The following ZNF664 variants were observed in gnomAD, a reference collection of about 807,000 sequenced individuals.
The protein encoded by ZNF664 is zinc finger Organ of Corti 1.
In ZNF664, 10 loss-of-function variants were observed where a neutral mutation model predicts 18.2. The ratio of observed to expected loss-of-function variants is 0.55; its 90% CI spans 0.34 to 0.93. The LOEUF (loss-of-function observed/expected upper bound fraction) is 0.93. ZNF664 is among the 40% of genes least tolerant of loss of function. The probability of loss-of-function intolerance (pLI) is 0.02; values close to 1 mark genes in which losing one functional copy is unlikely to be tolerated. For synonymous variants in ZNF664, 119 were observed against 104.2 expected (o/e 1.14, Z -0.86); for missense variants, 193 against 319.0 (o/e 0.61, Z 3.01).
In ZNF664 at chr12:123,988,067, C is replaced by T; in HGVS notation, c.-732C>T. On this transcript the variant is annotated 5_prime_UTR_variant, in exon 3 of 5. Coordinates refer to ENST00000337815, the MANE Select transcript of ZNF664 (RefSeq NM_152437.3). ...GCAGGATCCTAAGGCCTTTGTAGTCCTTCAGCCACTGTGGGCCCTGCCTCT... is the reference window on the plus strand; with the variant it reads ...GCAGGATCCTAAGGCCTTTGTAGTCTTTCAGCCACTGTGGGCCCTGCCTCT... 8.1e-7 allele frequency: 1 copy of T among 1,231,454 alleles called. No homozygotes were observed. The highest frequency in any genetic ancestry group is 1.0e-6 in the Non-Finnish European group (1 of 987,830). 76.3% of individuals were successfully genotyped at this position (1,231,454 alleles called of 1,614,324 possible).
chr12:124,006,424 C>G (rs1056786775), intron 3 of ZNF664, among the ~76,000 whole-genome samples: 2 of 152,294 alleles, frequency 1.3e-5, no homozygotes, highest in East Asian at 3.9e-4. Flanking sequence ...AGTCCTGTAC[C>G]CCCGTCTTCA....
chr12:124,006,736 C>T (rs1957077410), intron 3 of ZNF664, among the ~76,000 whole-genome samples: 1 of 152,154 alleles, frequency 6.6e-6, no homozygotes, highest in African/African-American at 2.4e-5. Context: ...TTGAGTTCTC[C>T]TCCAGTGTGA....
At chr12:123,973,439 G>C in intron 1 of ZNF664, 87 bp downstream of exon 1, 22 of 655,988 alleles carry the variant, frequency 3.4e-5, no homozygotes, top group South Asian at 6.7e-5. Flanking sequence ...CTGGGGGTGG[G>C]AAGGAGGTGG....
At position 124,012,122 on chromosome 12, in the gene ZNF664, A is replaced by T; in HGVS notation, c.-23A>T. On this transcript the variant is annotated 5_prime_UTR_variant, in exon 5 of 5. Coordinates refer to ENST00000337815, the MANE Select transcript of ZNF664 (RefSeq NM_152437.3). ...AATCATAAGGAAATTTTCTCCTTGA[A>T]ATCACGATACCAAATAGGAAAAATG... is the stretch of plus-strand genomic sequence containing the variant. 6.3e-7 allele frequency: 1 copy of T among 1,580,800 alleles called. No homozygotes were observed. Among genetic ancestry groups the T allele is most frequent in the Non-Finnish European group, 8.6e-7 (1 of 1,169,316 alleles).
At chr12:123,984,068 A>T (rs1368817504) in intron 2 of ZNF664, among the ~76,000 whole-genome samples, 1 of 152,210 alleles carries the variant, frequency 6.6e-6, no homozygotes, top group South Asian at 2.1e-4. Flanking sequence ...AACAGTTGAA[A>T]TGTGGACTCC....
rs1408286290 is a variant in ZNF664, at chr12:124,012,827, A to T, written c.683A>T (p.Lys228Ile). 1 of 1,613,956 alleles carries T rather than the reference A, an allele frequency of 6.2e-7. No homozygotes were observed. Among genetic ancestry groups the T allele is most frequent in the East Asian group, 2.2e-5 (1 of 44,858 alleles). Residue 228 changes from lysine (K) to isoleucine (I), a missense_variant, in exon 5 of 5, where the codon AAA becomes ATA. By Grantham distance (102) the Lys-to-Ile change is moderately radical. This residue lies in a region of ZNF664 where 42 missense variants were observed against 46.4 expected (regional missense o/e 0.91). Coordinates refer to ENST00000337815, the MANE Select transcript of ZNF664 (RefSeq NM_152437.3). Reference sequence around the variant, plus strand: ...GTCCACACAGGAGAGAAACCTTTCAAATGTGATGAGTGCGGAAAGGCCTTC... The same window carrying T: ...GTCCACACAGGAGAGAAACCTTTCATATGTGATGAGTGCGGAAAGGCCTTC... ...QRVHTGEKPF[K>I]CDECGKAFSQ... is the part of the protein sequence containing the mutation.
intron 3 of ZNF664, chr12:124,006,282 T>G (rs1957072613): frequency 6.6e-6 from 1 of 152,264 alleles, no homozygotes; most frequent in Admixed American, 6.5e-5. Context: ...AACCAACTCC[T>G]GCAGCCTCGG....
rs116232703 is a variant in ZNF664, at chr12:124,001,897, A to T, written c.-660-9484A>T. Among the ~76,000 whole-genome samples, 706 of 152,342 alleles carry T rather than the reference A, an allele frequency of 4.6e-3. 4 individuals carry two copies. Among genetic ancestry groups the T allele is most frequent in the African/African-American group, 0.016 (666 of 41,570 alleles). On this transcript the variant is annotated intron_variant, in intron 3 of 4. Coordinates refer to ENST00000337815, the MANE Select transcript of ZNF664 (RefSeq NM_152437.3). ...ACAAAGAGATGAAGGAGTTTTAGAG[A>T]TTCACAAATTTCATAAATTCTCTGC...
chr12:124,008,168 A>G (rs57818143), intron 3 of ZNF664, among the ~76,000 whole-genome samples: 14,966 of 152,034 alleles, frequency 0.098, 935 homozygotes, highest in Middle Eastern at 0.18. Context: ...GCAAAAAAAA[A>G]GGGGCAGTTG....
At chr12:124,002,807 G>C (rs1957028792) in intron 3 of ZNF664, among the ~76,000 whole-genome samples, 1 of 152,142 alleles carries the variant, frequency 6.6e-6, no homozygotes, top group South Asian at 2.1e-4. Flanking sequence ...TCCAGGGCTA[G>C]AGATAAAAAT....
At position 124,011,782 on chromosome 12, in the gene ZNF664, C is replaced by T. The variant is rs984532127; in HGVS notation, c.-363C>T. On this transcript the variant is annotated 5_prime_UTR_variant, in exon 5 of 5. Transcript: ENST00000337815. ...TAGAAGTGAGACATACAAGATTACT[C>T]TACAAGAGGAAGATTCCAGGGGCTC... 2.1e-5 allele frequency: 23 copies of T among 1,100,586 alleles called. No individual in the cohort carries two copies. Among genetic ancestry groups the T allele is most frequent in the Non-Finnish European group, 2.5e-5 (23 of 907,292 alleles). The allele number at this position is 1,100,586 out of a possible 1,614,324, so 68.2% of individuals were successfully genotyped here.
chr12:123,988,600 C>T (rs1186790806), intron 3 of ZNF664, among the ~76,000 whole-genome samples: 4 of 151,800 alleles, frequency 2.6e-5, no homozygotes, highest in African/African-American at 4.8e-5. Flanking sequence ...TTTTCCCCAA[C>T]GTCTGAATAA....
intron 3 of ZNF664, among the ~76,000 whole-genome samples, chr12:123,999,797 G>A (rs1036899710): frequency 6.6e-6 from 1 of 152,170 alleles, no homozygotes; most frequent in African/African-American, 2.4e-5. Flanking sequence ...TCTCTGATGG[G>A]TTCTCCCTTT....
In ZNF664 at chr12:123,999,574, A is replaced by G. The variant is rs569116202; in HGVS notation, c.-661+11436A>G. On this transcript the variant is annotated intron_variant, in intron 3 of 4. Transcript: ENST00000337815. ...ACAAAGTAATTGTATAGTTATTTAAAAACGACTTTAGATTTTTCTGAGCCA... is the reference window on the plus strand; with the variant it reads ...ACAAAGTAATTGTATAGTTATTTAAGAACGACTTTAGATTTTTCTGAGCCA... 2.6e-5 allele frequency among the ~76,000 whole-genome samples: 4 copies of G among 152,356 alleles called. No individual in the cohort carries two copies. In the South Asian group the frequency reaches 8.3e-4, roughly 32 times the overall value.
intron 3 of ZNF664, among the ~76,000 whole-genome samples, chr12:124,010,682 G>T (rs1957125753): frequency 6.6e-6 from 1 of 152,210 alleles, no homozygotes; most frequent in African/African-American, 2.4e-5. Context: ...AACGCACACA[G>T]TTCCTCCTTC....
In ZNF664 at chr12:124,012,037, A is replaced by G; in HGVS notation, c.-108A>G. 1.4e-6 allele frequency: 2 copies of G among 1,466,118 alleles called. No homozygotes were observed. The highest frequency in any genetic ancestry group is 1.8e-6 in the Non-Finnish European group (2 of 1,118,116). 90.8% of individuals were successfully genotyped at this position (1,466,118 alleles called of 1,614,324 possible). ...ACTTACCTAATAGAGCAAGCCTGAG[A>G]TAGACTGCCAAAATGGCCAAATAAG... is the stretch of plus-strand genomic sequence containing the variant. On this transcript the variant is annotated 5_prime_UTR_variant, in exon 5 of 5. Transcript: ENST00000337815.
chr12:123,985,355 G>T (rs1424091063), intron 2 of ZNF664, among the ~76,000 whole-genome samples: 2 of 152,198 alleles, frequency 1.3e-5, no homozygotes, highest in Non-Finnish European at 2.9e-5. Context: ...CTGACCAGAA[G>T]GAAGAAAATG....
intron 3 of ZNF664, among the ~76,000 whole-genome samples, chr12:123,992,073 C>G (rs763494828): frequency 1.3e-5 from 2 of 152,150 alleles, no homozygotes; most frequent in Non-Finnish European, 2.9e-5. Flanking sequence ...AACCCAGAGC[C>G]CAAATCGTTA....
At chr12:124,011,308 A>G (rs1002155985) in intron 3 of ZNF664, 73 bp from the exon 4 acceptor site, 20 of 992,070 alleles carry the variant, frequency 2.0e-5, no homozygotes, top group Non-Finnish European at 2.3e-5. Flanking sequence ...GATAATTACA[A>G]TGAGTTATTG....
Sources: allele counts gnomAD v4.1 joint callset (sites outside exome capture counted in the v4.1 genomes callset), GRCh38; gene constraint gnomAD v4.1.1; regional missense constraint gnomAD v4.1.1; transcripts MANE v1.5; gene names NCBI Gene and HGNC (gene_info 2026-07-23, HGNC 2026-07-21).